Variants in IL17REL observed in about 807,000 individuals in gnomAD.
IL17REL encodes the protein interleukin-17 receptor E-like protein.
A neutral mutation model predicts 49.0 loss-of-function variants in IL17REL; 36 were observed. That is an observed-to-expected ratio of 0.73 (90% confidence interval 0.56 to 0.97). IL17REL has a LOEUF of 0.97. Ranked by LOEUF, IL17REL falls within the 50% of genes least tolerant of loss-of-function variation. The pLI, the probability that IL17REL is intolerant of heterozygous loss-of-function variation, is 0.00. For missense variants in IL17REL, 470 were observed against 453.9 expected (o/e 1.04, Z -0.32); for synonymous variants, 206 against 192.4 (o/e 1.07, Z -0.58).
At chr22:49,992,704 G>GC (rs1282738073), downstream of IL17REL, among the ~76,000 whole-genome samples, 4 of 152,208 alleles carry the variant, frequency 2.6e-5, no homozygotes, top group Admixed American at 2.6e-4. Context: ...TGCAACCTCT[G>GC]CCTTCTGGGT....
chr22:50,003,244 G>A (rs11101950), intron 1 of IL17REL, among the ~76,000 whole-genome samples: 30,065 of 152,106 alleles, frequency 0.2, 3,115 homozygotes, highest in South Asian at 0.39. Context: ...GAGGGAGTGG[G>A]CCGGGCGGGG....
intron 1 of IL17REL, among the ~76,000 whole-genome samples, chr22:50,008,096 T>C (rs1166677782): frequency 6.6e-6 from 1 of 151,866 alleles, no homozygotes; most frequent in Non-Finnish European, 1.5e-5. Context: ...TCTATTCCTA[T>C]GAAAATCAAA....
At chr22:50,008,260 A>G (rs1488504483) in intron 1 of IL17REL, among the ~76,000 whole-genome samples, 3 of 152,236 alleles carry the variant, frequency 2.0e-5, no homozygotes, top group East Asian at 3.8e-4. Flanking sequence ...GCTGTTTAAC[A>G]AAGACAAGGT....
chr22:50,002,283 G>A (rs892568519), intron 1 of IL17REL, among the ~76,000 whole-genome samples: 41 of 152,292 alleles, frequency 2.7e-4, no homozygotes, highest in Admixed American at 2.3e-3. Flanking sequence ...GCCTGCTCCC[G>A]CTCTGTGGAG....
At position 49,996,794 on chromosome 22, in the gene IL17REL, G is replaced by A. The variant is rs887964310; in HGVS notation, c.*111C>T. ...GGCCTCCTGCGGCCCCTGAGAGATG[G>A]GCACCCACTGGAGCGGAGGTTGCAG... On this transcript the variant is annotated 3_prime_UTR_variant, in exon 13 of 13. Coordinates refer to ENST00000341280, the Ensembl canonical transcript of IL17REL. The A allele has an allele frequency of 1.4e-5, 7 of 510,494 alleles. No homozygotes were observed. The South Asian group carries it at 2.1e-4, about 15-fold the overall frequency. 31.6% of individuals were successfully genotyped at this position (510,494 alleles called of 1,614,324 possible). A position where few individuals can be genotyped will look rare whatever the true frequency, so the allele number is the denominator to read the frequency against.
chr22:50,005,070 G>A (rs780690999), intron 1 of IL17REL, among the ~76,000 whole-genome samples: 3 of 151,394 alleles, frequency 2.0e-5, no homozygotes, highest in Non-Finnish European at 4.4e-5. Flanking sequence ...AACGGGCGCA[G>A]GAGGAGAAGC....
intron 5 of IL17REL, 110 bp downstream of exon 7, chr22:49,999,706 GGGGGCGGGGCGC>G (rs2061063805): frequency 1.9e-6 from 1 of 535,342 alleles, no homozygotes; most frequent in Non-Finnish European, 2.5e-6. Flanking sequence ...AGGCCTGGCC[GGGGGCGGGGCGC>G]GGGGGGTGGG....
At chr22:49,994,315 C>CACTGACCTTA (rs58801958), downstream of IL17REL, among the ~76,000 whole-genome samples, 151,555 of 152,130 alleles carry the variant, frequency 1, 75,492 homozygotes, top group Middle Eastern at 1. Context: ...CACCATGTGA[C>CACTGACCTTA]GCTGACCTCA....
downstream of IL17REL, among the ~76,000 whole-genome samples, chr22:49,992,896 C>T (rs1045273210): frequency 6.6e-6 from 1 of 152,178 alleles, no homozygotes; most frequent in Admixed American, 6.5e-5. Context: ...GGATTACAGG[C>T]GGGAGCCACC....
upstream of IL17REL, among the ~76,000 whole-genome samples, chr22:50,011,293 G>A (rs2061140125): frequency 1.4e-5 from 2 of 145,356 alleles, no homozygotes; most frequent in South Asian, 4.3e-4. Flanking sequence ...CTCAGCCCCT[G>A]CCCTTGCCCC....
chr22:50,007,923 A>G (rs2061118835), intron 1 of IL17REL, among the ~76,000 whole-genome samples: 1 of 151,628 alleles, frequency 6.6e-6, no homozygotes, highest in South Asian at 2.1e-4. Context: ...TCCTGCAAAT[A>G]TCTGTATATT....
intron 1 of IL17REL, among the ~76,000 whole-genome samples, chr22:50,002,787 G>A (rs997482628): frequency 6.6e-5 from 10 of 152,268 alleles, no homozygotes; most frequent in Non-Finnish European, 7.4e-5. Context: ...GAGCCACCAC[G>A]CCCAGCCAGA....
At chr22:49,999,024 G>GCC (rs1332539599) in intron 7 of IL17REL, among the ~76,000 whole-genome samples, 4 of 152,096 alleles carry the variant, frequency 2.6e-5, no homozygotes, top group Non-Finnish European at 4.4e-5. Flanking sequence ...TCTCTCTTGT[G>GCC]CCCCTCAGAC....
intron 4 of IL17REL, 44 bp from the exon 7 acceptor site, chr22:50,000,011 A>T: frequency 7.0e-7 from 1 of 1,436,044 alleles, no homozygotes. Flanking sequence ...ACCAGCGGTC[A>T]CCGACGCGGG....
rs2061047562 is a variant in IL17REL at position 49,998,019 on chromosome 22, C to T, written c.819+6G>A. On this transcript the variant is annotated splice_donor_region_variant and intron_variant, in intron 9 of 12. Transcript: ENST00000341280. Reference sequence around the variant, plus strand: ...AGGGCACTGGCAGGCTGTGGCAGCCCCTCACCTTCAGGCAGAGCTGGGGCT... The same window carrying T: ...AGGGCACTGGCAGGCTGTGGCAGCCTCTCACCTTCAGGCAGAGCTGGGGCT... The T allele has an allele frequency of 6.3e-7, 1 of 1,596,410 alleles. No individual in the cohort carries two copies. Among genetic ancestry groups the T allele is most frequent in the South Asian group, 1.1e-5 (1 of 89,332 alleles).
intron 1 of IL17REL, among the ~76,000 whole-genome samples, chr22:50,004,380 T>C (rs1271246625): frequency 6.6e-6 from 1 of 152,080 alleles, no homozygotes; most frequent in Non-Finnish European, 1.5e-5. Flanking sequence ...TAACTAGAAA[T>C]TGAAAATTTA....
intron 7 of IL17REL, 104 bp from the exon 10 acceptor site, chr22:49,998,413 C>A (rs1296103682): frequency 1.2e-6 from 1 of 865,694 alleles, no homozygotes; most frequent in Non-Finnish European, 1.6e-6. Context: ...CAGGGTCCAG[C>A]GCAGTCCTAT....
chr22:50,004,296 CTTG>C (rs1192394630), intron 1 of IL17REL, among the ~76,000 whole-genome samples: 4 of 152,104 alleles, frequency 2.6e-5, no homozygotes, highest in Non-Finnish European at 5.9e-5. Flanking sequence ...CCAGGCTGGT[CTTG>C]AACTCCTGAC....
intron 1 of IL17REL, among the ~76,000 whole-genome samples, chr22:50,008,270 T>C (rs2061120486): frequency 6.6e-6 from 1 of 152,162 alleles, no homozygotes; most frequent in South Asian, 2.1e-4. Context: ...AAAGACAAGG[T>C]AGTTGTTAAA....
Sources: allele counts gnomAD v4.1 joint callset (sites outside exome capture counted in the v4.1 genomes callset), GRCh38; gene constraint gnomAD v4.1.1; transcripts MANE v1.5; gene names NCBI Gene and HGNC (gene_info 2026-07-23, HGNC 2026-07-21).